Variants in CACNB4 observed in about 807,000 individuals in gnomAD.
CACNB4 encodes calcium voltage-gated channel auxiliary subunit beta 4, also known as voltage-dependent L-type calcium channel subunit beta-4.
In CACNB4, 32 loss-of-function variants were observed where a neutral mutation model predicts 71.2. The ratio of observed to expected loss-of-function variants is 0.45; its 90% CI spans 0.34 to 0.60. The LOEUF (loss-of-function observed/expected upper bound fraction) is 0.60. Ranked by LOEUF, CACNB4 falls within the 20% of genes least tolerant of loss-of-function variation. The pLI is 0.01. For synonymous variants in CACNB4, 231 were observed against 236.9 expected, an observed-to-expected ratio of 0.97 and a Z score of 0.23; for missense variants, 464 against 647.9, an observed-to-expected ratio of 0.72 and a Z score of 3.08.
intron 2 of CACNB4, among the ~76,000 whole-genome samples, chr2:151,957,514 TCA>T (rs2099868627): frequency 6.6e-6 from 1 of 152,108 alleles, no homozygotes; most frequent in Non-Finnish European, 1.5e-5. Flanking sequence ...CATTCATACT[TCA>T]AAGTGCTTAC....
intron 2 of CACNB4, among the ~76,000 whole-genome samples, chr2:151,961,204 G>A (rs2099869566): frequency 6.6e-6 from 1 of 152,174 alleles, no homozygotes; most frequent in African/African-American, 2.4e-5. Flanking sequence ...ACAACGTGAT[G>A]ACATTTGGAG....
intron 2 of CACNB4, among the ~76,000 whole-genome samples, chr2:152,067,383 GTGTGT>G (rs1686398598): frequency 6.7e-6 from 1 of 148,326 alleles, no homozygotes; most frequent in African/African-American, 2.6e-5. Flanking sequence ...AGAGATGTGT[GTGTGT>G]GGGGGGGGGG....
intron 2 of CACNB4, among the ~76,000 whole-genome samples, chr2:152,072,049 C>G (rs1039155596): frequency 5.9e-5 from 9 of 152,224 alleles, no homozygotes; most frequent in African/African-American, 2.2e-4. Flanking sequence ...TGAAATGCAA[C>G]AAAAATTCTT....
chr2:152,080,287 A>T (rs1257180792), intron 2 of CACNB4, among the ~76,000 whole-genome samples: 1 of 151,966 alleles, frequency 6.6e-6, no homozygotes, highest in Non-Finnish European at 1.5e-5. Context: ...ACACCCGGCT[A>T]ATTTTTTGCA....
chr2:151,899,517 A>G (rs552080855), intron 2 of CACNB4, among the ~76,000 whole-genome samples: 1 of 152,364 alleles, frequency 6.6e-6, no homozygotes, highest in Admixed American at 6.5e-5. Flanking sequence ...CTGTACACAT[A>G]GTAGAGAAAC....
intron 2 of CACNB4, among the ~76,000 whole-genome samples, chr2:151,944,027 CTT>C (rs377579759): frequency 1.1e-3 from 154 of 134,840 alleles, no homozygotes; most frequent in Middle Eastern, 3.8e-3. Flanking sequence ...TACTTTCTTT[CTT>C]TTTTTTTTTT....
At chr2:152,040,782 C>G (rs1436431177) in intron 2 of CACNB4, among the ~76,000 whole-genome samples, 1 of 152,154 alleles carries the variant, frequency 6.6e-6, no homozygotes. Flanking sequence ...ATTAGCAAAA[C>G]CTTTACAACT....
Position 151,872,429 on chromosome 2 carries a change from G to A in CACNB4, c.586C>T (p.Pro196Ser). 6.3e-7 allele frequency: 1 copy of A among 1,586,616 alleles called. No homozygotes were observed. The highest frequency in any genetic ancestry group is 8.6e-7 in the Non-Finnish European group (1 of 1,158,180). The part of the protein sequence containing the change: ...EMVSGTFRAT[P>S]TSTAKQKQKV... ...CTACAACCCTCACCTGTTGATGTGG[G>A]AGTTGCTCGGAATGTCCCAGATACC... The change falls in exon 6 of 14, where the codon CCC becomes TCC. Residue 196 changes from proline to serine, a missense_variant. Pro to Ser is a moderately conservative substitution (Grantham distance 74). Transcript: ENST00000539935.
chr2:151,882,131 G>GGCCTCCCAAAAT (rs1553759962), intron 3 of CACNB4, among the ~76,000 whole-genome samples: 1 of 147,076 alleles, frequency 6.8e-6, no homozygotes, highest in Non-Finnish European at 1.5e-5. Context: ...TGCCCGCCTC[G>GGCCTCCCAAAAT]GCCTCCCAAA....
chr2:152,004,113 C>A (rs1427182176), intron 2 of CACNB4, among the ~76,000 whole-genome samples: 4 of 152,176 alleles, frequency 2.6e-5, no homozygotes, highest in Admixed American at 6.5e-5. Context: ...AGCCACCGTG[C>A]CTGGTTGATT....
intron 2 of CACNB4, among the ~76,000 whole-genome samples, chr2:152,007,774 A>AT (rs35311254): frequency 0.02 from 2,829 of 144,630 alleles, 90 homozygotes; most frequent in African/African-American, 0.062. Flanking sequence ...ATTCTACGTA[A>AT]TTTTTTTTTT....
At position 152,054,524 on chromosome 2, in the gene CACNB4, G is replaced by A. The variant is rs190466594; in HGVS notation, c.147+43806C>T. Among the ~76,000 whole-genome samples, 78 of 152,118 alleles carry A rather than the reference G, an allele frequency of 5.1e-4. No individual in the cohort carries two copies. The East Asian group carries it at 0.01, about 20-fold the overall frequency. On this transcript the variant is annotated intron_variant, in intron 2 of 13. Coordinates refer to ENST00000539935, the MANE Select transcript of CACNB4 (RefSeq NM_000726.5). ...TCCTTTTTTGTCTATTACGAATAAT[G>A]CTGCAAAAAACATTCTTGTATAGGC...
chr2:152,054,835 CT>C (rs912555783), intron 2 of CACNB4, among the ~76,000 whole-genome samples: 7 of 152,004 alleles, frequency 4.6e-5, no homozygotes, highest in African/African-American at 1.4e-4. Context: ...ATACGGAGCA[CT>C]TTTTTTTATG....
chr2:152,019,168 T>C (rs1683517966), intron 2 of CACNB4, among the ~76,000 whole-genome samples: 1 of 152,210 alleles, frequency 6.6e-6, no homozygotes, highest in South Asian at 2.1e-4. Context: ...AGAGTATTTT[T>C]GACTTGTGCA....
intron 2 of CACNB4, among the ~76,000 whole-genome samples, chr2:152,050,421 T>C (rs926341704): frequency 2.6e-5 from 4 of 152,182 alleles, no homozygotes; most frequent in Admixed American, 2.0e-4. Flanking sequence ...GAACCTCTAA[T>C]CAGTTGCAAT....
chr2:151,982,495 G>A (rs1056512790), intron 2 of CACNB4, among the ~76,000 whole-genome samples: 10 of 152,216 alleles, frequency 6.6e-5, no homozygotes, highest in South Asian at 6.2e-4. Context: ...TCAGCCAGGC[G>A]TGGTGGCTGG....
chr2:152,055,276 T>G (rs1314035423), intron 2 of CACNB4, among the ~76,000 whole-genome samples: 1 of 152,196 alleles, frequency 6.6e-6, no homozygotes, highest in Non-Finnish European at 1.5e-5. Flanking sequence ...CCTCCCAAAA[T>G]GCTGGGATTA....
chr2:151,974,380 A>C (rs982985819), intron 2 of CACNB4, among the ~76,000 whole-genome samples: 2 of 152,184 alleles, frequency 1.3e-5, no homozygotes, highest in African/African-American at 4.8e-5. Flanking sequence ...CAATGTGAAG[A>C]AAAAAATGAC....
chr2:151,952,177 G>A lies in CACNB4; in HGVS notation c.148-68807C>T, dbSNP rs2099867067. Among the ~76,000 whole-genome samples the A allele has an allele frequency of 2.0e-5, 3 of 152,078 alleles. No individual in the cohort carries two copies. The South Asian group carries it at 6.2e-4, about 32-fold the overall frequency. On this transcript the variant is annotated intron_variant, in intron 2 of 13. Transcript: ENST00000539935. ...GTGATACAAATATCAACTAATCAGA[G>A]TAAACAACGATCTAAACCATCCACT...
Sources: allele counts gnomAD v4.1 joint callset (sites outside exome capture counted in the v4.1 genomes callset), GRCh38; gene constraint gnomAD v4.1.1; transcripts MANE v1.5; gene names NCBI Gene and HGNC (gene_info 2026-07-23, HGNC 2026-07-21).